The following IGSF21 variants were observed in gnomAD, a reference collection of about 807,000 sequenced individuals.
IGSF21 encodes immunoglobulin superfamily member 21.
In IGSF21, 28 loss-of-function variants were observed where a neutral mutation model predicts 46.8. The ratio of observed to expected loss-of-function variants is 0.60; its 90% confidence interval spans 0.44 to 0.82. IGSF21 has a LOEUF of 0.82. Ranked by LOEUF, IGSF21 falls within the 40% of genes least tolerant of loss-of-function variation. The pLI, the probability that IGSF21 is intolerant of heterozygous loss-of-function variation, is 0.00. For missense variants in IGSF21, 624 were observed against 665.5 expected (o/e 0.94, Z 0.69); for synonymous variants, 284 against 273.6 (o/e 1.04, Z -0.38).
At chr1:18,285,483 T>C (rs554317556) in intron 2 of IGSF21, among the ~76,000 whole-genome samples, 2 of 152,234 alleles carry the variant, frequency 1.3e-5, no homozygotes, top group African/African-American at 4.8e-5. Context: ...TCTTCTAGAA[T>C]CAGAACACTG....
intron 4 of IGSF21, among the ~76,000 whole-genome samples, chr1:18,351,229 C>G (rs974293807): frequency 2.7e-5 from 4 of 149,814 alleles, no homozygotes; most frequent in Non-Finnish European, 4.5e-5. Context: ...CTAGAATTGC[C>G]TTTCTGCTCG....
Position 18,302,773 on chromosome 1 carries a change from G to A in IGSF21, c.305+10786G>A, listed in dbSNP as rs548187065. 3.8e-4 allele frequency among the ~76,000 whole-genome samples: 58 copies of A among 152,292 alleles called. No homozygotes were observed. In the South Asian group the frequency reaches 0.011, roughly 29 times the overall value. ...GAGGCTCCCGTTTCCAATTTAGAAG[G>A]AGGGTCAGGGGTATTTCTCCTTGGT... On this transcript the variant is annotated intron_variant, in intron 3 of 9. Transcript: ENST00000251296.
At chr1:18,193,895 A>T (rs148399463) in intron 1 of IGSF21, among the ~76,000 whole-genome samples, 48 of 152,200 alleles carry the variant, frequency 3.2e-4, no homozygotes, top group Admixed American at 1.4e-3. Flanking sequence ...GCTGAAGGGG[A>T]GTTTCCCCCT....
chr1:18,228,861 T>C (rs2084595855), intron 2 of IGSF21, among the ~76,000 whole-genome samples: 1 of 152,216 alleles, frequency 6.6e-6, no homozygotes, highest in South Asian at 2.1e-4. Flanking sequence ...TTGGTCACAG[T>C]TACTCAACTC....
chr1:18,161,151 C>T (rs966205961), intron 1 of IGSF21, among the ~76,000 whole-genome samples: 5 of 152,144 alleles, frequency 3.3e-5, no homozygotes, highest in South Asian at 2.1e-4. Flanking sequence ...CCCCGTGACT[C>T]GGCCCTCTCC....
Position 18,290,304 on chromosome 1 carries a change from C to G in IGSF21, c.184-1562C>G, listed in dbSNP as rs961865506. On this transcript the variant is annotated intron_variant, in intron 2 of 9. Transcript: ENST00000251296. This position sits in a 1 kb window ranked among gnomAD's most constrained non-coding sequence, Gnocchi z 4.2. ...CCCTCTGCACATGGTCAGAAAGCGC[C>G]AAGCCCTCAGAGGGGAAGAAAGTGA... 1.3e-5 allele frequency among the ~76,000 whole-genome samples: 2 copies of G among 152,160 alleles called. No individual in the cohort carries two copies. The highest frequency in any genetic ancestry group is 4.8e-5 in the African/African-American group (2 of 41,422).
intron 3 of IGSF21, among the ~76,000 whole-genome samples, chr1:18,311,727 A>G (rs2085490396): frequency 6.6e-6 from 1 of 152,194 alleles, no homozygotes; most frequent in Non-Finnish European, 1.5e-5. Flanking sequence ...CACATCTTAC[A>G]TGGTGGCAGA....
At chr1:18,131,875 C>T (rs562401310) in intron 1 of IGSF21, among the ~76,000 whole-genome samples, 1 of 152,230 alleles carries the variant, frequency 6.6e-6, no homozygotes, top group South Asian at 2.1e-4. Context: ...GCCACACTTG[C>T]ATACAGGAGA....
chr1:18,217,627 A>T (rs1035542027), intron 1 of IGSF21, among the ~76,000 whole-genome samples: 9 of 152,190 alleles, frequency 5.9e-5, no homozygotes, highest in Admixed American at 4.6e-4. Context: ...TGACTATAGC[A>T]GGGTGCTTGA....
chr1:18,163,063 G>T (rs74055922), intron 1 of IGSF21, among the ~76,000 whole-genome samples: 5,337 of 152,214 alleles, frequency 0.035, 138 homozygotes, highest in African/African-American at 0.066. Flanking sequence ...TCATTCTAGG[G>T]TGATTCTTCT....
At chr1:18,203,768 T>A (rs974621687) in intron 1 of IGSF21, among the ~76,000 whole-genome samples, 1 of 152,200 alleles carries the variant, frequency 6.6e-6, no homozygotes, top group Non-Finnish European at 1.5e-5. Context: ...CAGTATTAGT[T>A]CTTTCTAAGC....
chr1:18,198,194 T>C (rs1236640170), intron 1 of IGSF21, among the ~76,000 whole-genome samples: 1 of 152,220 alleles, frequency 6.6e-6, no homozygotes, highest in Non-Finnish European at 1.5e-5. Context: ...CGGGGTTGAC[T>C]GGACAATGCC....
At position 18,252,044 on chromosome 1, in the gene IGSF21, CGT is replaced by C. The variant is rs1491158233; in HGVS notation, c.183+24035_183+24036del. ...AGGCTGGAACACTTTCTGACCAAGG[CGT>C]TTTTTTTTTTTTTTTTTTTTTTGAG... On this transcript the variant is annotated intron_variant, in intron 2 of 9. Coordinates refer to ENST00000251296, the MANE Select transcript of IGSF21 (RefSeq NM_032880.5). 3.3e-3 allele frequency among the ~76,000 whole-genome samples: 327 copies of C among 98,916 alleles called. 7 individuals are homozygous for C. Among genetic ancestry groups the C allele is most frequent in the Non-Finnish European group, 3.9e-3 (189 of 48,668 alleles). 64.9% of individuals were successfully genotyped at this position (98,916 alleles called of 152,430 possible).
At chr1:18,242,877 C>G (rs2084745992) in intron 2 of IGSF21, among the ~76,000 whole-genome samples, 1 of 152,202 alleles carries the variant, frequency 6.6e-6, no homozygotes, top group Admixed American at 6.5e-5. Context: ...CTGGCTCACA[C>G]TCTGCTGGGG....
In IGSF21 at chr1:18,359,391, G is replaced by GA. The variant is rs1557659675; in HGVS notation, c.425-2722dup. Among the ~76,000 whole-genome samples the GA allele has an allele frequency of 1.4e-4, 7 of 51,372 alleles. No individual in the cohort carries two copies. The South Asian group carries it at 3.3e-3, about 24-fold the overall frequency. The allele number at this position is 51,372 out of a possible 152,430, so 33.7% of individuals were successfully genotyped here. A position where few individuals can be genotyped will look rare whatever the true frequency, so the allele number is the denominator to read the frequency against. On this transcript the variant is annotated intron_variant, in intron 4 of 9. Coordinates refer to ENST00000251296, the MANE Select transcript of IGSF21 (RefSeq NM_032880.5). ...GAAAGAAAGAAAGAAAGAAAGGAAG[G>GA]AAGGAAGGAAGGAAGGAAGGAAGGA...
At chr1:18,250,753 C>T (rs2084834013) in intron 2 of IGSF21, among the ~76,000 whole-genome samples, 1 of 152,150 alleles carries the variant, frequency 6.6e-6, no homozygotes, top group Non-Finnish European at 1.5e-5. Flanking sequence ...TCCCAGTCTA[C>T]AAGCATTTAT....
intron 3 of IGSF21, among the ~76,000 whole-genome samples, chr1:18,305,525 GATT>G (rs76618813): frequency 7.6e-6 from 1 of 132,226 alleles, no homozygotes; most frequent in Non-Finnish European, 1.6e-5. Flanking sequence ...TGGATGGATG[GATT>G]ATGAATGGAT....
chr1:18,360,151 G>A (rs1447328251), intron 4 of IGSF21, among the ~76,000 whole-genome samples: 1 of 152,162 alleles, frequency 6.6e-6, no homozygotes, highest in African/African-American at 2.4e-5. Context: ...TGGGATCCAG[G>A]TTTTCGGTTG....
chr1:18,287,199 AAAT>A (rs1470607661), intron 2 of IGSF21, among the ~76,000 whole-genome samples: 2 of 144,516 alleles, frequency 1.4e-5, no homozygotes, highest in Non-Finnish European at 1.5e-5. Context: ...AAAATAAAAT[AAAT>A]AAATAAATAA....
Sources: allele counts gnomAD v4.1 joint callset (sites outside exome capture counted in the v4.1 genomes callset), GRCh38; gene constraint gnomAD v4.1.1; non-coding constraint Gnocchi (gnomAD v3.1); transcripts MANE v1.5; gene names NCBI Gene and HGNC (gene_info 2026-07-23, HGNC 2026-07-21).